The following ATRNL1 variants were observed in gnomAD, a reference collection of about 807,000 sequenced individuals.
ATRNL1 encodes the protein attractin-like protein 1.
ATRNL1 carries 95 observed loss-of-function variants against 182.7 expected under a neutral mutation model. The observed-to-expected ratio is 0.52, with a 90% CI of 0.44 to 0.62. The LOEUF is 0.62. ATRNL1 is among the 20% of genes least tolerant of loss of function. ATRNL1 has a pLI of 0.00. For missense variants in ATRNL1, 1,471 were observed against 1,679.5 expected (o/e 0.88, Z 2.17); for synonymous variants, 576 against 568.3 (o/e 1.01, Z -0.19).
intron 28 of ATRNL1, among the ~76,000 whole-genome samples, chr10:115,860,349 T>A (rs1555103210): frequency 6.6e-6 from 1 of 152,178 alleles, no homozygotes; most frequent in East Asian, 1.9e-4. Flanking sequence ...GACTGTGCCA[T>A]CTGCCTTCCC....
At chr10:115,390,667 T>C (rs1262948077) in intron 19 of ATRNL1, among the ~76,000 whole-genome samples, 1 of 152,322 alleles carries the variant, frequency 6.6e-6, no homozygotes, top group Admixed American at 6.5e-5. Context: ...AATTTTAAAA[T>C]TGCTTTTTCT....
At chr10:115,176,319 A>T (rs1167921624) in intron 8 of ATRNL1, among the ~76,000 whole-genome samples, 1 of 151,998 alleles carries the variant, frequency 6.6e-6, no homozygotes, top group Non-Finnish European at 1.5e-5. Context: ...ATTAGATCCC[A>T]TTTGTCAATT....
rs1311400830 is a variant in ATRNL1 at position 115,771,051 on chromosome 10, T to C, written c.3903+43696T>C. Among the ~76,000 whole-genome samples the C allele has an allele frequency of 2.6e-5, 4 of 152,082 alleles. No homozygotes were observed. In the East Asian group the frequency reaches 7.7e-4, roughly 29 times the overall value. On this transcript the variant is annotated intron_variant, in intron 27 of 28. Coordinates refer to ENST00000355044, the MANE Select transcript of ATRNL1 (RefSeq NM_207303.4). ...CTTTTGAGGACGTCAAATGTAGAAA[T>C]TGAAGCTCACAGTTAATAACAGAAA...
intron 26 of ATRNL1, among the ~76,000 whole-genome samples, chr10:115,642,966 G>A (rs781860497): frequency 1.3e-5 from 2 of 152,128 alleles, no homozygotes; most frequent in East Asian, 1.9e-4. Context: ...TCATAACTTC[G>A]AGGTTTCTAC....
intron 28 of ATRNL1, among the ~76,000 whole-genome samples, chr10:115,934,497 C>T (rs1421154326): frequency 1.3e-5 from 2 of 152,068 alleles, no homozygotes; most frequent in Non-Finnish European, 2.9e-5. Context: ...ACTGCTTTCC[C>T]ACACACCCTG....
chr10:115,118,801 T>G (rs1554870703), intron 1 of ATRNL1, among the ~76,000 whole-genome samples: 1 of 152,190 alleles, frequency 6.6e-6, no homozygotes, highest in Non-Finnish European at 1.5e-5. Flanking sequence ...GGATCTTGGC[T>G]TTGTACATTT....
chr10:115,707,143 C>T (rs10787590), intron 26 of ATRNL1, among the ~76,000 whole-genome samples: 56,097 of 151,400 alleles, frequency 0.37, 11,152 homozygotes, highest in Admixed American at 0.53. Flanking sequence ...AAAATAATGG[C>T]TACAAATAAG....
At chr10:115,381,544 A>C (rs1858009261) in intron 19 of ATRNL1, among the ~76,000 whole-genome samples, 1 of 150,820 alleles carries the variant, frequency 6.6e-6, no homozygotes, top group African/African-American at 2.4e-5. Flanking sequence ...AAGTGCTGGG[A>C]TTACAGGTGC....
intron 27 of ATRNL1, among the ~76,000 whole-genome samples, chr10:115,763,409 T>C (rs1200393034): frequency 1.3e-5 from 2 of 152,078 alleles, no homozygotes; most frequent in African/African-American, 4.8e-5. Context: ...CTAATTATGC[T>C]CAGGAGAAGT....
chr10:115,578,499 A>G (rs1472122451), intron 26 of ATRNL1, among the ~76,000 whole-genome samples: 1 of 151,464 alleles, frequency 6.6e-6, no homozygotes. Flanking sequence ...GTTTCCAGGA[A>G]TTTATTTCCT....
intron 19 of ATRNL1, among the ~76,000 whole-genome samples, chr10:115,355,086 A>G (rs1031625965): frequency 4.0e-5 from 6 of 151,618 alleles, no homozygotes; most frequent in African/African-American, 1.5e-4. Flanking sequence ...AAACAGGTGT[A>G]TTGAATTCTT....
At chr10:115,502,282 T>G (rs2133637806) in intron 24 of ATRNL1, among the ~76,000 whole-genome samples, 1 of 152,086 alleles carries the variant, frequency 6.6e-6, no homozygotes, top group African/African-American at 2.4e-5. Context: ...ATGTTTTTTT[T>G]GGACTCTAGG....
intron 26 of ATRNL1, among the ~76,000 whole-genome samples, chr10:115,586,995 C>CTGTTGGAA (rs1246678031): frequency 1.4e-5 from 2 of 141,280 alleles, no homozygotes; most frequent in African/African-American, 5.0e-5. Context: ...AGCTGCAGCT[C>CTGTTGGAA]TGTTGGAATA....
At chr10:115,095,378 A>T (rs1175318977) in intron 1 of ATRNL1, among the ~76,000 whole-genome samples, 4 of 147,308 alleles carry the variant, frequency 2.7e-5, no homozygotes, top group African/African-American at 8.0e-5. Context: ...TTTTTTTTAA[A>T]AAAAAACTTA....
chr10:115,864,568 C>A (rs1169953727), intron 28 of ATRNL1, among the ~76,000 whole-genome samples: 1 of 152,146 alleles, frequency 6.6e-6, no homozygotes, highest in Non-Finnish European at 1.5e-5. Flanking sequence ...TCCAAATGAT[C>A]AAGGTCAATA....
intron 26 of ATRNL1, among the ~76,000 whole-genome samples, chr10:115,564,997 T>G (rs1157397960): frequency 6.6e-6 from 1 of 152,048 alleles, no homozygotes; most frequent in Non-Finnish European, 1.5e-5. Flanking sequence ...TAGTCACATT[T>G]TGAACACTTT....
intron 28 of ATRNL1, among the ~76,000 whole-genome samples, chr10:115,880,698 A>T (rs1184559675): frequency 2.0e-5 from 3 of 152,226 alleles, no homozygotes; most frequent in African/African-American, 7.2e-5. Context: ...TGGATGTTGT[A>T]GAACATCTAG....
chr10:115,187,309 A>T (rs1232196161), intron 8 of ATRNL1, among the ~76,000 whole-genome samples: 6 of 152,096 alleles, frequency 3.9e-5, no homozygotes, highest in Non-Finnish European at 7.4e-5. Context: ...ATATCAGACA[A>T]ACTTCAAATA....
intron 13 of ATRNL1, among the ~76,000 whole-genome samples, chr10:115,269,035 T>C (rs1246496471): frequency 1.3e-5 from 2 of 152,220 alleles, no homozygotes; most frequent in Non-Finnish European, 2.9e-5. Flanking sequence ...CTGCTAAACA[T>C]TCTACAGTTT....
Sources: gnomAD v4.1 joint callset for allele counts (sites outside exome capture counted in the v4.1 genomes callset) on GRCh38, gnomAD v4.1.1 for gene constraint, MANE v1.5 for transcripts, NCBI Gene and HGNC (gene_info 2026-07-23, HGNC 2026-07-21) for gene names.